Variants in ELF1 observed in about 807,000 individuals in gnomAD.
ELF1 encodes E74 like ETS transcription factor 1, also known as ETS-related transcription factor Elf-1.
A neutral mutation model predicts 59.9 loss-of-function variants in ELF1; 24 were observed. The observed-to-expected ratio is 0.40, with a 90% confidence interval of 0.29 to 0.56. The LOEUF (loss-of-function observed/expected upper bound fraction) is 0.56, where lower values mean the gene tolerates loss of function less well. Among genes scored for constraint, ELF1 ranks in the 20% least tolerant of loss-of-function variants. The pLI is 0.44. For missense variants in ELF1, 627 were observed against 742.2 expected, an observed-to-expected ratio of 0.84 and a Z score of 1.80; for synonymous variants, 248 against 266.2, an observed-to-expected ratio of 0.93 and a Z score of 0.67.
At chr13:41,043,893 T>A (rs992541567) in intron 1 of ELF1, among the ~76,000 whole-genome samples, 2 of 152,218 alleles carry the variant, frequency 1.3e-5, no homozygotes, top group Non-Finnish European at 2.9e-5. Context: ...TTGGGCAGTA[T>A]GGCCATTTTT....
chr13:41,026,564 C>G (rs1012366499), intron 1 of ELF1, among the ~76,000 whole-genome samples: 11 of 152,198 alleles, frequency 7.2e-5, no homozygotes, highest in Admixed American at 2.0e-4. Context: ...AATCACAGCA[C>G]AGGCCTGTAG....
At chr13:40,961,216 C>T (rs1871797915) in intron 2 of ELF1, among the ~76,000 whole-genome samples, 1 of 152,152 alleles carries the variant, frequency 6.6e-6, no homozygotes, top group South Asian at 2.1e-4. Flanking sequence ...AGATAATATC[C>T]TTGCCTTCGA....
chr13:41,057,411 C>A (rs557352204), intron 1 of ELF1, among the ~76,000 whole-genome samples: 1 of 151,824 alleles, frequency 6.6e-6, no homozygotes, highest in Non-Finnish European at 1.5e-5. Flanking sequence ...CCCCCCACCC[C>A]GAGATGGAGT....
chr13:41,051,143 A>G (rs1809854718), intron 1 of ELF1, among the ~76,000 whole-genome samples: 2 of 152,178 alleles, frequency 1.3e-5, no homozygotes, highest in South Asian at 4.1e-4. Flanking sequence ...GCAATGCAAA[A>G]GAAAAAAGTT....
chr13:41,046,233 T>C (rs560344502), intron 1 of ELF1, among the ~76,000 whole-genome samples: 4 of 152,248 alleles, frequency 2.6e-5, no homozygotes, highest in Non-Finnish European at 4.4e-5. Flanking sequence ...CTTGACTCTT[T>C]ACCCAATTTG....
chr13:40,999,984 T>G (rs1278723242), intron 1 of ELF1, among the ~76,000 whole-genome samples: 1 of 152,184 alleles, frequency 6.6e-6, no homozygotes, highest in Non-Finnish European at 1.5e-5. Context: ...CAGTGTAACT[T>G]TGAAATATAT....
Position 40,933,934 on chromosome 13 carries a change from C to A in ELF1, c.1351G>T (p.Val451Phe). ...GCTGATGGATCTGTGCTGGCTATAA[C>A]TGTTGTGAGTGGCACTGTTTGGAGT... The part of the protein sequence containing the change: ...VTLQTVPLTT[V>F]IASTDPSAGT... The change falls in exon 9 of 9, where the codon GTT (valine) becomes TTT (phenylalanine). Residue 451 changes from valine (V) to phenylalanine (F), a missense_variant. Val to Phe is a conservative substitution (Grantham distance 50). Transcript: ENST00000239882. The A allele has an allele frequency of 6.2e-7, 1 of 1,614,234 alleles. No homozygotes were observed. Among genetic ancestry groups the A allele is most frequent in the South Asian group, 1.1e-5 (1 of 91,090 alleles).
chr13:40,982,325 C>A lies in ELF1; in HGVS notation c.-228-43G>T, dbSNP rs561704232. 6.8e-6 allele frequency: 8 copies of A among 1,185,178 alleles called. No individual in the cohort carries two copies. In the South Asian group the frequency reaches 2.5e-4, roughly 38 times the overall value. The allele number at this position is 1,185,178 out of a possible 1,614,324, so 73.4% of individuals were successfully genotyped here. ...AGATTAGTTATGAAAAAGCAATCAC[C>A]CACTTAGGATATAATAACTGATACA... On this transcript the variant is annotated intron_variant, in intron 1 of 8. Coordinates refer to ENST00000239882, the MANE Select transcript of ELF1 (RefSeq NM_172373.4).
At chr13:40,943,757 A>C in intron 6 of ELF1, 85 bp downstream of exon 6, 1 of 1,172,640 alleles carries the variant, frequency 8.5e-7, no homozygotes, top group East Asian at 2.6e-5. Context: ...GTATATCAAG[A>C]AAGCTGGTGG....
intron 1 of ELF1, among the ~76,000 whole-genome samples, chr13:41,047,245 A>T (rs1470849460): frequency 6.6e-6 from 1 of 152,138 alleles, no homozygotes; most frequent in African/African-American, 2.4e-5. Context: ...AGCTCAGAGA[A>T]GTTTGATCGT....
intron 5 of ELF1, among the ~76,000 whole-genome samples, chr13:40,948,189 T>C (rs550979061): frequency 6.6e-6 from 1 of 152,344 alleles, no homozygotes; most frequent in South Asian, 2.1e-4. Flanking sequence ...TGAAAAATAT[T>C]TAATGTACAC....
intron 1 of ELF1, among the ~76,000 whole-genome samples, chr13:41,051,220 A>G (rs1877074748): frequency 1.3e-5 from 2 of 148,686 alleles, no homozygotes; most frequent in African/African-American, 4.9e-5. Flanking sequence ...AAACAAAGGG[A>G]AAAAAAAACA....
intron 2 of ELF1, among the ~76,000 whole-genome samples, chr13:40,964,305 C>A (rs974745420): frequency 2.0e-5 from 3 of 152,154 alleles, no homozygotes; most frequent in Admixed American, 6.5e-5. Context: ...GCTGCTGCAA[C>A]AAAGTACTAC....
chr13:41,038,578 G>C (rs1478824096), intron 1 of ELF1, among the ~76,000 whole-genome samples: 1 of 152,090 alleles, frequency 6.6e-6, no homozygotes, highest in Non-Finnish European at 1.5e-5. Flanking sequence ...AAGCAAAAAA[G>C]TTTGTTCATC....
rs1055439065 is a variant in ELF1 at position 41,060,860 on chromosome 13, C to G, written c.-251G>C. ...CACCTGACAAGCATAAGTGCCTCTG[C>G]CTCCTTCGCCGCACCTCTCGCCACC... On this transcript the variant is annotated 5_prime_UTR_variant, in exon 1 of 2. Transcript: ENST00000405737. 2 of 326,380 alleles carry G rather than the reference C, an allele frequency of 6.1e-6. 1 individual carries two copies. The highest frequency in any genetic ancestry group is 1.5e-4 in the East Asian group (2 of 13,418). 20.2% of individuals were successfully genotyped at this position (326,380 alleles called of 1,614,324 possible).
chr13:41,008,391 C>A (rs1232385716), intron 1 of ELF1, among the ~76,000 whole-genome samples: 1 of 152,142 alleles, frequency 6.6e-6, no homozygotes, highest in Non-Finnish European at 1.5e-5. Context: ...TTATAAAATG[C>A]AAGCTTTCAA....
intron 1 of ELF1, among the ~76,000 whole-genome samples, chr13:41,018,716 A>AG (rs1875559667): frequency 6.6e-6 from 1 of 152,148 alleles, no homozygotes; most frequent in African/African-American, 2.4e-5. Flanking sequence ...ACAGAGAGGG[A>AG]GAAAAAAATA....
chr13:40,958,737 A>T, intron 3 of ELF1, 99 bp downstream of exon 3: 1 of 1,443,984 alleles, frequency 6.9e-7, no homozygotes, highest in Non-Finnish European at 9.1e-7. Flanking sequence ...TACAGTTTAA[A>T]ACCAAGTTAG....
chr13:41,049,947 G>T (rs1877015314), intron 1 of ELF1, among the ~76,000 whole-genome samples: 1 of 152,186 alleles, frequency 6.6e-6, no homozygotes, highest in African/African-American at 2.4e-5. Context: ...CATCATTACA[G>T]ATGCTGTTTA....
Sources: gnomAD v4.1 joint callset for allele counts (sites outside exome capture counted in the v4.1 genomes callset) on GRCh38, gnomAD v4.1.1 for gene constraint, MANE v1.5 for transcripts, NCBI Gene and HGNC (gene_info 2026-07-23, HGNC 2026-07-21) for gene names.